GREB1L: variants seen among roughly 807,000 people sequenced by gnomAD.
GREB1L encodes the protein GREB1-like protein.
In GREB1L, 17 loss-of-function variants were observed where a neutral mutation model predicts 200.8. The ratio of observed to expected loss-of-function variants is 0.08; its 90% CI spans 0.06 to 0.13. GREB1L has a LOEUF of 0.13. Ranked by LOEUF, GREB1L falls within the 10% of genes least tolerant of loss-of-function variation. GREB1L has a pLI of 1.00. For synonymous variants in GREB1L, 789 were observed against 893.0 expected, an observed-to-expected ratio of 0.88 and a Z score of 2.08; for missense variants, 1,657 against 2,367.7, an observed-to-expected ratio of 0.70 and a Z score of 6.23.
intron 7 of GREB1L, among the ~76,000 whole-genome samples, chr18:21,438,803 T>A (rs1168886562): frequency 6.7e-6 from 1 of 149,790 alleles, no homozygotes; most frequent in Non-Finnish European, 1.5e-5. Context: ...CTAAAAAAAA[T>A]ACAAAAAATT....
rs759371210 is a variant in GREB1L at position 21,434,485 on chromosome 18, G to GTATATATATA, written c.833-5030_833-5021dup. On this transcript the variant is annotated intron_variant, in intron 7 of 32. Coordinates refer to ENST00000424526, the MANE Select transcript of GREB1L (RefSeq NM_001142966.3). ...AGTGAGAATCCATCTAAAAAAAATA[G>GTATATATATA]TATATATATATATATGTGTGTGTGT... Among the ~76,000 whole-genome samples, 1,061 of 107,118 alleles carry GTATATATATA rather than the reference G, an allele frequency of 9.9e-3. 39 individuals are homozygous for GTATATATATA. The highest frequency in any genetic ancestry group is 0.046 in the African/African-American group (1,009 of 22,144). The allele number at this position is 107,118 out of a possible 152,430, so 70.3% of individuals were successfully genotyped here.
At chr18:21,388,231 T>G (rs2040625144) in intron 4 of GREB1L, among the ~76,000 whole-genome samples, 1 of 152,166 alleles carries the variant, frequency 6.6e-6, no homozygotes, top group African/African-American at 2.4e-5. Flanking sequence ...AATAGCTACA[T>G]GGTAAAAGAT....
At chr18:21,441,029 G>A (rs1449050354) in intron 9 of GREB1L, among the ~76,000 whole-genome samples, 1 of 152,172 alleles carries the variant, frequency 6.6e-6, no homozygotes. Context: ...TTAATGATGA[G>A]TTCATCCTTC....
At chr18:21,367,738 G>C (rs1429297297) in intron 2 of GREB1L, among the ~76,000 whole-genome samples, 1 of 152,132 alleles carries the variant, frequency 6.6e-6, no homozygotes, top group Non-Finnish European at 1.5e-5. Flanking sequence ...CTTAAATCTT[G>C]TGTTTCTTCC....
At chr18:21,315,157 A>G (rs2038848279) in intron 1 of GREB1L, among the ~76,000 whole-genome samples, 1 of 152,146 alleles carries the variant, frequency 6.6e-6, no homozygotes, top group South Asian at 2.1e-4. Context: ...TGGCATGGTT[A>G]TGGCTCACTT....
intron 1 of GREB1L, among the ~76,000 whole-genome samples, chr18:21,323,595 C>T (rs892544699): frequency 5.9e-5 from 9 of 152,110 alleles, no homozygotes; most frequent in African/African-American, 2.2e-4. Context: ...AATCAAACTT[C>T]TAAGATGGGC....
intron 1 of GREB1L, among the ~76,000 whole-genome samples, chr18:21,317,101 A>G (rs555507618): frequency 6.6e-6 from 1 of 151,796 alleles, no homozygotes; most frequent in African/African-American, 2.4e-5. Context: ...TAAATCTCCT[A>G]TCCAAGCGGG....
chr18:21,383,766 G>T (rs2040421461), intron 3 of GREB1L, 91 bp downstream of exon 3: 1 of 1,278,018 alleles, frequency 7.8e-7, no homozygotes, highest in African/African-American at 1.5e-5. Context: ...AGGCTGGAGT[G>T]CAGTGGCGTG....
Position 21,399,302 on chromosome 18 carries a change from C to A in GREB1L, c.533-1848C>A, listed in dbSNP as rs2164062. On this transcript the variant is annotated intron_variant, in intron 5 of 32. Coordinates refer to ENST00000424526, the MANE Select transcript of GREB1L (RefSeq NM_001142966.3). ...GTCAGGCAGTTTTCCATGAAGATGC[C>A]ATAATCAGACCAGAATGTAGTTTCC... 1.1e-3 allele frequency among the ~76,000 whole-genome samples: 164 copies of A among 152,156 alleles called. No individual in the cohort carries two copies. The Middle Eastern group carries it at 0.014, about 13-fold the overall frequency.
At chr18:21,392,813 C>G (rs140650832) in intron 4 of GREB1L, among the ~76,000 whole-genome samples, 88 of 151,862 alleles carry the variant, frequency 5.8e-4, no homozygotes, top group African/African-American at 2.0e-3. Context: ...GTTCTGTCAC[C>G]CAGGCTGGAG....
chr18:21,281,003 A>T (rs953843592), intron 1 of GREB1L, among the ~76,000 whole-genome samples: 20 of 152,218 alleles, frequency 1.3e-4, no homozygotes, highest in Non-Finnish European at 2.2e-4. Flanking sequence ...CTCAGCTTTC[A>T]GTATATACAA....
intron 23 of GREB1L, 87 bp from the exon 24 acceptor site, chr18:21,505,325 C>A: frequency 7.9e-7 from 1 of 1,269,396 alleles, no homozygotes; most frequent in Non-Finnish European, 1.1e-6. Flanking sequence ...CCCATCTGGG[C>A]TCTACGTCCC....
intron 10 of GREB1L, among the ~76,000 whole-genome samples, chr18:21,443,538 A>G (rs1395665582): frequency 6.6e-6 from 1 of 152,206 alleles, no homozygotes; most frequent in Non-Finnish European, 1.5e-5. Flanking sequence ...CTGATTTCTT[A>G]TCTGAAAATA....
At chr18:21,250,800 A>G (rs1047094152) in intron 1 of GREB1L, among the ~76,000 whole-genome samples, 3 of 152,024 alleles carry the variant, frequency 2.0e-5, no homozygotes, top group South Asian at 4.2e-4. Flanking sequence ...AGTCTGTTCT[A>G]TTTTTTGGAA....
intron 19 of GREB1L, among the ~76,000 whole-genome samples, chr18:21,491,118 T>A (rs189378938): frequency 6.6e-6 from 1 of 152,144 alleles, no homozygotes; most frequent in South Asian, 2.1e-4. Flanking sequence ...TGTAATCCAG[T>A]GGGGCCTAGC....
intron 4 of GREB1L, among the ~76,000 whole-genome samples, chr18:21,391,271 A>G (rs1292150605): frequency 3.3e-5 from 5 of 152,218 alleles, no homozygotes; most frequent in Non-Finnish European, 7.3e-5. Flanking sequence ...ACATATGTTT[A>G]GATACACAAA....
At chr18:21,455,713 C>T (rs377585379) in intron 15 of GREB1L, among the ~76,000 whole-genome samples, 2 of 151,108 alleles carry the variant, frequency 1.3e-5, no homozygotes, top group East Asian at 1.9e-4. Flanking sequence ...ATTTTACTTT[C>T]AATATATTTA....
chr18:21,405,617 A>G (rs1353277101), intron 7 of GREB1L, among the ~76,000 whole-genome samples: 2 of 152,106 alleles, frequency 1.3e-5, no homozygotes, highest in East Asian at 1.9e-4. Flanking sequence ...CCTGGCCAAC[A>G]TGGCAAAACC....
intron 1 of GREB1L, among the ~76,000 whole-genome samples, chr18:21,242,914 G>A (rs1052118137): frequency 1.3e-5 from 2 of 152,176 alleles, no homozygotes; most frequent in Non-Finnish European, 2.9e-5. Flanking sequence ...GAGGATGGAT[G>A]GAGTTCAGCC....
Sources: gnomAD v4.1 joint callset for allele counts (sites outside exome capture counted in the v4.1 genomes callset) on GRCh38, gnomAD v4.1.1 for gene constraint, MANE v1.5 for transcripts, NCBI Gene and HGNC (gene_info 2026-07-23, HGNC 2026-07-21) for gene names.